Variants in PCBP3 observed in about 807,000 individuals in gnomAD.
PCBP3 encodes the protein poly(rC)-binding protein 3.
Under a neutral mutation model 52.7 loss-of-function variants are expected in PCBP3, and 25 were observed. The ratio of observed to expected loss-of-function variants is 0.47; its 90% CI spans 0.35 to 0.66. The LOEUF (loss-of-function observed/expected upper bound fraction) is 0.66, where lower values mean the gene tolerates loss of function less well. PCBP3 is among the 30% of genes least tolerant of loss of function. The pLI, the probability that PCBP3 is intolerant of heterozygous loss-of-function variation, is 0.01. For synonymous variants in PCBP3, 162 were observed against 183.0 expected (o/e 0.89, Z 0.93); for missense variants, 391 against 490.3 (o/e 0.80, Z 1.91).
chr21:45,784,365 C>G (rs906257842), intron 4 of PCBP3, among the ~76,000 whole-genome samples: 4 of 147,448 alleles, frequency 2.7e-5, no homozygotes, highest in African/African-American at 5.2e-5. Flanking sequence ...TCTACCTCTA[C>G]CTCTACCTCT....
rs1398199981 is a variant in PCBP3 at position 45,837,163 on chromosome 21, G to A, written c.-125-12798G>A. ...ATTCCCATCCCCCAGCAGCGTGTTA[G>A]CGCCACGGATGATCTACAGTCCACC... On this transcript the variant is annotated intron_variant, in intron 4 of 17. Transcript: ENST00000681687. The surrounding 1 kb of genome is among the most constrained non-coding windows in gnomAD (Gnocchi z 4.1). Among the ~76,000 whole-genome samples, 1 of 152,250 alleles carries A rather than the reference G, an allele frequency of 6.6e-6. No homozygotes were observed. The highest frequency in any genetic ancestry group is 1.5e-5 in the Non-Finnish European group (1 of 68,042).
chr21:45,880,220 G>T lies in PCBP3; in HGVS notation c.11-15988G>T, dbSNP rs866116582. 6.6e-6 allele frequency among the ~76,000 whole-genome samples: 1 copy of T among 152,228 alleles called. No homozygotes were observed. The highest frequency in any genetic ancestry group is 6.5e-5 in the Admixed American group (1 of 15,292). On this transcript the variant is annotated intron_variant, in intron 5 of 17. Coordinates refer to ENST00000681687, the MANE Select transcript of PCBP3 (RefSeq NM_001384156.1). The surrounding 1 kb of genome is among the most constrained non-coding windows in gnomAD (Gnocchi z 5.4). ...AGTCACGGCCAGCCTTCGAAAGCAG[G>T]ACTGTTGCCTGGTTCCCCAGTTGCC...
intron 2 of PCBP3, among the ~76,000 whole-genome samples, chr21:45,700,564 GCCC>G (rs2083057956): frequency 6.6e-6 from 1 of 152,128 alleles, no homozygotes; most frequent in African/African-American, 2.4e-5. Flanking sequence ...TCTGCAAGGT[GCCC>G]GCCCAGCAAC....
intron 4 of PCBP3, among the ~76,000 whole-genome samples, chr21:45,784,613 G>A (rs1404142914): frequency 2.0e-5 from 3 of 152,198 alleles, no homozygotes; most frequent in South Asian, 2.1e-4. Context: ...GGCGCGCGCC[G>A]CCACGCCTGA....
intron 1 of PCBP3, among the ~76,000 whole-genome samples, chr21:45,646,109 G>GTCTCTCTCTCTCTC: frequency 1.4e-5 from 1 of 70,224 alleles, no homozygotes; most frequent in South Asian, 4.3e-4. Context: ...CTCTCTCTCT[G>GTCTCTCTCTCTCTC]TGTGTGTGTG....
intron 4 of PCBP3, among the ~76,000 whole-genome samples, chr21:45,818,934 A>G (rs2093046237): frequency 6.6e-6 from 1 of 152,250 alleles, no homozygotes. Context: ...ATACGATTCC[A>G]ACTATATGAC....
intron 5 of PCBP3, among the ~76,000 whole-genome samples, chr21:45,862,638 T>C (rs926121725): frequency 6.6e-6 from 1 of 152,228 alleles, no homozygotes; most frequent in Non-Finnish European, 1.5e-5. Flanking sequence ...CGACTGACTT[T>C]GCTTGGTCAG....
In PCBP3 at chr21:45,805,909, T is replaced by A. The variant is rs1001054860; in HGVS notation, c.-125-44052T>A. Among the ~76,000 whole-genome samples the A allele has an allele frequency of 6.6e-6, 1 of 152,080 alleles. No individual in the cohort carries two copies. The highest frequency in any genetic ancestry group is 1.5e-5 in the Non-Finnish European group (1 of 68,008). On this transcript the variant is annotated intron_variant, in intron 4 of 17. Coordinates refer to ENST00000681687, the MANE Select transcript of PCBP3 (RefSeq NM_001384156.1). This position sits in a 1 kb window ranked among gnomAD's most constrained non-coding sequence, Gnocchi z 4.6. ...AGAGCAGAGCTGGGGGGGCGGGCCA[T>A]GAGGGGAAGTCCAGGCCTCTCCACC...
intron 5 of PCBP3, among the ~76,000 whole-genome samples, chr21:45,893,464 C>T (rs911765904): frequency 6.3e-5 from 9 of 143,376 alleles, no homozygotes; most frequent in Non-Finnish European, 9.1e-5. Flanking sequence ...CTGAAATCCC[C>T]GTGGCCACAG....
intron 2 of PCBP3, among the ~76,000 whole-genome samples, chr21:45,722,636 A>T (rs1414734816): frequency 6.6e-6 from 1 of 152,186 alleles, no homozygotes; most frequent in African/African-American, 2.4e-5. Context: ...TATTTTCTAC[A>T]AATACTACAG....
At chr21:45,841,456 G>A (rs2093698424) in intron 4 of PCBP3, among the ~76,000 whole-genome samples, 1 of 150,618 alleles carries the variant, frequency 6.6e-6, no homozygotes, top group East Asian at 1.9e-4. Context: ...ATAGTAAAAT[G>A]TCTTCCTGTT....
intron 2 of PCBP3, among the ~76,000 whole-genome samples, chr21:45,729,448 T>C (rs1268857948): frequency 1.3e-5 from 2 of 152,148 alleles, no homozygotes; most frequent in African/African-American, 2.4e-5. Context: ...TGATTCTATG[T>C]TTAACTTTTT....
In PCBP3 at chr21:45,850,064, C is replaced by T. The variant is rs2093933161; in HGVS notation, c.-22C>T. ...TGAACCTTTGCTGTCTATGGATCTGCTCTAAACCTTATAGCCTGCTTATGG... is the reference window on the plus strand; with the variant it reads ...TGAACCTTTGCTGTCTATGGATCTGTTCTAAACCTTATAGCCTGCTTATGG... On this transcript the variant is annotated 5_prime_UTR_variant, in exon 5 of 18. Transcript: ENST00000681687. 1.3e-6 allele frequency: 2 copies of T among 1,547,920 alleles called. No homozygotes were observed. Among genetic ancestry groups the T allele is most frequent in the African/African-American group, 1.4e-5 (1 of 72,982 alleles).
rs558533447 is a variant in PCBP3, at chr21:45,797,416, A to G, written c.-126+41964A>G. On this transcript the variant is annotated intron_variant, in intron 4 of 17. Coordinates refer to ENST00000681687, the MANE Select transcript of PCBP3 (RefSeq NM_001384156.1). Reference sequence around the variant, plus strand: ...AGTGCGTGGATCTGTAGAGAGAGTGAATGCGTGGATGGACGAGTGCATGGA... The same window carrying G: ...AGTGCGTGGATCTGTAGAGAGAGTGGATGCGTGGATGGACGAGTGCATGGA... 7.2e-5 allele frequency among the ~76,000 whole-genome samples: 11 copies of G among 152,192 alleles called. No homozygotes were observed. In the South Asian group the frequency reaches 2.3e-3, roughly 32 times the overall value.
chr21:45,810,657 A>AT (rs1351625740), intron 4 of PCBP3, among the ~76,000 whole-genome samples: 2 of 152,140 alleles, frequency 1.3e-5, no homozygotes, highest in Non-Finnish European at 2.9e-5. Flanking sequence ...TCTGTGTCAG[A>AT]TTTTAAAACC....
intron 1 of PCBP3, among the ~76,000 whole-genome samples, chr21:45,654,417 T>C (rs1569079526): frequency 1.4e-5 from 2 of 147,310 alleles, no homozygotes; most frequent in Non-Finnish European, 3.0e-5. Flanking sequence ...CTCAGCTCAC[T>C]GCAGCCTCCA....
intron 4 of PCBP3, among the ~76,000 whole-genome samples, chr21:45,803,580 T>C (rs1211198260): frequency 6.6e-6 from 1 of 152,088 alleles, no homozygotes; most frequent in Non-Finnish European, 1.5e-5. Context: ...GCCGGGAGCT[T>C]TCCCATGAAG....
chr21:45,650,908 T>C lies in PCBP3; in HGVS notation c.-279+7040T>C, dbSNP rs116441686. 2.4e-3 allele frequency among the ~76,000 whole-genome samples: 364 copies of C among 152,276 alleles called. 1 individual carries two copies. Among genetic ancestry groups the C allele is most frequent in the African/African-American group, 8.4e-3 (350 of 41,550 alleles). On this transcript the variant is annotated intron_variant, in intron 1 of 17. Transcript: ENST00000681687. ...AAGGAGTCATTCTGGCCATACCTAATTTCAGATGGGGCGGGGTGGTAGAAT... is the reference window on the plus strand; with the variant it reads ...AAGGAGTCATTCTGGCCATACCTAACTTCAGATGGGGCGGGGTGGTAGAAT...
chr21:45,648,918 T>C (rs1453997236), intron 1 of PCBP3, among the ~76,000 whole-genome samples: 1 of 152,218 alleles, frequency 6.6e-6, no homozygotes. Context: ...AAATGTGCTG[T>C]TTTGATGAAC....
Sources: gnomAD v4.1 joint callset for allele counts (sites outside exome capture counted in the v4.1 genomes callset) on GRCh38, gnomAD v4.1.1 for gene constraint, Gnocchi (gnomAD v3.1) non-coding constraint, MANE v1.5 for transcripts, NCBI Gene and HGNC (gene_info 2026-07-23, HGNC 2026-07-21) for gene names.